The following SLC14A2 variants were observed in gnomAD, a reference collection of about 807,000 sequenced individuals.
SLC14A2 encodes the protein solute carrier family 14 member 2, also known as urea transporter 2.
In SLC14A2, 91 loss-of-function variants were observed where a neutral mutation model predicts 104.6. That is an observed-to-expected ratio of 0.87 (90% confidence interval 0.73 to 1.04). SLC14A2 has a LOEUF of 1.04. Among genes scored for constraint, SLC14A2 ranks in the 50% least tolerant of loss-of-function variants. The probability of loss-of-function intolerance (pLI) is 0.00; values close to 1 mark genes in which losing one functional copy is unlikely to be tolerated. For synonymous variants in SLC14A2, 476 were observed against 466.4 expected (o/e 1.02, Z -0.27); for missense variants, 1,189 against 1,156.0 (o/e 1.03, Z -0.41).
intron 1 of SLC14A2, among the ~76,000 whole-genome samples, chr18:45,344,609 C>G (rs1202787396): frequency 6.6e-6 from 1 of 152,058 alleles, no homozygotes; most frequent in Non-Finnish European, 1.5e-5. Context: ...AAGCAAATCC[C>G]AGAAACGTTG....
chr18:45,404,567 A>G (rs990019415), intron 1 of SLC14A2, among the ~76,000 whole-genome samples: 16 of 152,174 alleles, frequency 1.1e-4, no homozygotes, highest in Admixed American at 1.0e-3. Context: ...GAAACTTATG[A>G]TTCAAAATAT....
chr18:45,251,396 C>G (rs2084421830), intron 1 of SLC14A2, among the ~76,000 whole-genome samples: 1 of 152,206 alleles, frequency 6.6e-6, no homozygotes, highest in Non-Finnish European at 1.5e-5. Context: ...ATACTTTCCA[C>G]TATATTCGAG....
intron 1 of SLC14A2, among the ~76,000 whole-genome samples, chr18:45,222,786 T>G (rs2084075908): frequency 6.6e-6 from 1 of 152,238 alleles, no homozygotes; most frequent in Non-Finnish European, 1.5e-5. Context: ...TCTTATCCAC[T>G]TGCTTGGATC....
intron 18 of SLC14A2, among the ~76,000 whole-genome samples, chr18:45,675,709 A>T (rs370439408): frequency 1.2e-3 from 95 of 78,388 alleles, no homozygotes; most frequent in African/African-American, 3.9e-3. Context: ...ATATATATAT[A>T]TTTTTTTTTT....
chr18:45,309,592 C>T (rs987691204), intron 1 of SLC14A2, among the ~76,000 whole-genome samples: 3 of 152,150 alleles, frequency 2.0e-5, no homozygotes, highest in Non-Finnish European at 4.4e-5. Context: ...ACTCCTTGTC[C>T]ACTGTTCTTT....
At chr18:45,520,109 G>C (rs1296014420) in intron 2 of SLC14A2, among the ~76,000 whole-genome samples, 1 of 152,110 alleles carries the variant, frequency 6.6e-6, no homozygotes, top group Non-Finnish European at 1.5e-5. Context: ...ACCATATTTG[G>C]TATGTCTTTA....
At chr18:45,315,253 G>T (rs2085117753) in intron 1 of SLC14A2, among the ~76,000 whole-genome samples, 1 of 152,114 alleles carries the variant, frequency 6.6e-6, no homozygotes, top group East Asian at 1.9e-4. Context: ...AAGATCAAAG[G>T]CACCAGAAAA....
rs117610081 is a variant in SLC14A2 at position 45,414,545 on chromosome 18, G to A, written c.-124-68688G>A. 3.7e-3 allele frequency among the ~76,000 whole-genome samples: 566 copies of A among 151,094 alleles called. 4 individuals carry two copies. Among genetic ancestry groups the A allele is most frequent in the Non-Finnish European group, 6.6e-3 (445 of 67,790 alleles). On this transcript the variant is annotated intron_variant, in intron 1 of 20. Transcript: ENST00000586448. ...AATCTGAATTAGAATATTTTGGTAC[G>A]TGTATACCTATGTAACAAAACTGAA...
intron 1 of SLC14A2, among the ~76,000 whole-genome samples, chr18:45,289,522 A>G (rs2084848545): frequency 6.6e-6 from 1 of 152,220 alleles, no homozygotes; most frequent in South Asian, 2.1e-4. Flanking sequence ...CTAATGAAGC[A>G]CAGGCCAATG....
At chr18:45,244,198 T>C (rs751642831) in intron 1 of SLC14A2, among the ~76,000 whole-genome samples, 11 of 152,228 alleles carry the variant, frequency 7.2e-5, no homozygotes, top group Non-Finnish European at 1.2e-4. Context: ...TTCAAATTTT[T>C]ACAAATTACT....
At chr18:45,326,608 G>A (rs1166578480) in intron 1 of SLC14A2, among the ~76,000 whole-genome samples, 1 of 152,150 alleles carries the variant, frequency 6.6e-6, no homozygotes, top group East Asian at 1.9e-4. Flanking sequence ...ACTATGTAGA[G>A]GTAAGGTCCT....
chr18:45,395,059 A>G (rs1010816091), intron 1 of SLC14A2, among the ~76,000 whole-genome samples: 1 of 152,214 alleles, frequency 6.6e-6, no homozygotes, highest in Non-Finnish European at 1.5e-5. Flanking sequence ...TGAGATCAGG[A>G]TCTTGAAAAT....
At chr18:45,652,261 C>T (rs2045753743) in intron 10 of SLC14A2, among the ~76,000 whole-genome samples, 1 of 152,312 alleles carries the variant, frequency 6.6e-6, no homozygotes, top group African/African-American at 2.4e-5. Flanking sequence ...ACTTTTTTTA[C>T]TTGCCTGGTT....
intron 1 of SLC14A2, among the ~76,000 whole-genome samples, chr18:45,340,495 T>C (rs537182320): frequency 6.6e-6 from 1 of 152,200 alleles, no homozygotes; most frequent in Non-Finnish European, 1.5e-5. Flanking sequence ...TTGTCCTGAT[T>C]ATGAAGGTAG....
chr18:45,637,031 G>A lies in SLC14A2; in HGVS notation c.692G>A (p.Trp231Ter), dbSNP rs2045427547. 1.2e-6 allele frequency: 2 copies of A among 1,614,034 alleles called. No homozygotes were observed. Among genetic ancestry groups the A allele is most frequent in the Non-Finnish European group, 1.7e-6 (2 of 1,180,012 alleles). The change falls in exon 6 of 20, where the codon TGG (tryptophan) becomes TAG (stop). Residue 231 changes from tryptophan to a stop codon, truncating the protein, a stop_gained. Coordinates refer to ENST00000255226, the MANE Select transcript of SLC14A2 (RefSeq NM_007163.4). LOFTEE classifies it high-confidence loss of function. Reference protein sequence around the residue: ...SSALNSIFSKWDLPVFTLPFN... With the variant: ...SSALNSIFSK ...GCCTTGAATTCCATCTTCAGCAAGT[G>A]GGACCTCCCGGTCTTCACTCTGCCC...
chr18:45,482,890 C>A (rs999936145), intron 1 of SLC14A2, among the ~76,000 whole-genome samples: 5 of 152,090 alleles, frequency 3.3e-5, no homozygotes, highest in African/African-American at 1.2e-4. Flanking sequence ...TATTTACTGG[C>A]AAAGGATATT....
chr18:45,209,374 AAC>A (rs1485690979), upstream of SLC14A2, among the ~76,000 whole-genome samples: 96 of 151,762 alleles, frequency 6.3e-4, no homozygotes, highest in African/African-American at 1.9e-3. Context: ...CAACAACAAC[AAC>A]AACTGTGGTC....
chr18:45,339,530 C>G (rs149025511), intron 1 of SLC14A2, among the ~76,000 whole-genome samples: 5 of 152,224 alleles, frequency 3.3e-5, no homozygotes, highest in African/African-American at 1.2e-4. Context: ...TCATCAATCA[C>G]CTCTAGGGTA....
intron 1 of SLC14A2, among the ~76,000 whole-genome samples, chr18:45,406,897 G>A (rs1261767937): frequency 1.3e-5 from 2 of 152,052 alleles, no homozygotes; most frequent in Non-Finnish European, 2.9e-5. Context: ...GTAAACAGAT[G>A]AGCTATCATT....
Sources: gnomAD v4.1 joint callset for allele counts (sites outside exome capture counted in the v4.1 genomes callset) on GRCh38, gnomAD v4.1.1 for gene constraint, MANE v1.5 for transcripts, NCBI Gene and HGNC (gene_info 2026-07-23, HGNC 2026-07-21) for gene names.